BCAR3: variants seen among roughly 807,000 people sequenced by gnomAD.
BCAR3 encodes the protein BCAR3 adaptor protein, NSP family member.
Under a neutral mutation model 80.1 loss-of-function variants are expected in BCAR3, and 37 were observed. That is an observed-to-expected ratio of 0.46 (90% CI 0.36 to 0.61). The LOEUF is 0.61. Ranked by LOEUF, BCAR3 falls within the 20% of genes least tolerant of loss-of-function variation. The pLI, the probability that BCAR3 is intolerant of heterozygous loss-of-function variation, is 0.00. For synonymous variants in BCAR3, 389 were observed against 418.9 expected, an observed-to-expected ratio of 0.93 and a Z score of 0.87; for missense variants, 978 against 1,068.2, an observed-to-expected ratio of 0.92 and a Z score of 1.18.
chr1:93,618,692 G>C (rs1675212512), intron 3 of BCAR3, among the ~76,000 whole-genome samples: 1 of 152,094 alleles, frequency 6.6e-6, no homozygotes, highest in Non-Finnish European at 1.5e-5. Flanking sequence ...CAGGCAAAAA[G>C]AAAGAAAAGA....
intron 2 of BCAR3, among the ~76,000 whole-genome samples, chr1:93,748,640 T>G (rs1651439342): frequency 1.3e-5 from 2 of 152,246 alleles, no homozygotes; most frequent in Admixed American, 6.5e-5. Flanking sequence ...CAATCTTCTT[T>G]TGTCCTTACT....
intron 2 of BCAR3, among the ~76,000 whole-genome samples, chr1:93,718,969 T>C (rs577270138): frequency 6.6e-6 from 1 of 152,172 alleles, no homozygotes; most frequent in South Asian, 2.1e-4. Flanking sequence ...CCCAAAGTGT[T>C]AGGATTACAA....
intron 2 of BCAR3, chr1:93,845,437 A>C (rs1324131007): frequency 6.8e-6 from 1 of 146,040 alleles, no homozygotes; most frequent in Non-Finnish European, 1.5e-5. Context: ...GAAGACATTT[A>C]ATTCATTAAA....
chr1:93,803,789 C>T (rs1230483891), intron 2 of BCAR3, among the ~76,000 whole-genome samples: 3 of 152,162 alleles, frequency 2.0e-5, no homozygotes, highest in Admixed American at 6.5e-5. Context: ...ACTGAGAAGG[C>T]GTCCCCAGAT....
chr1:93,828,127 G>A (rs1222485577), intron 2 of BCAR3, among the ~76,000 whole-genome samples: 1 of 152,034 alleles, frequency 6.6e-6, no homozygotes, highest in Admixed American at 6.6e-5. Flanking sequence ...GCAAGACCCT[G>A]TCTCTACAAA....
At chr1:93,626,747 GC>G (rs1488468053) in intron 3 of BCAR3, among the ~76,000 whole-genome samples, 9 of 152,122 alleles carry the variant, frequency 5.9e-5, no homozygotes, top group Admixed American at 2.6e-4. Context: ...TTAAATATGG[GC>G]CCTCGAGTAC....
exon 1 of BCAR3, chr1:93,847,117 G>T (rs968785844): frequency 4.3e-6 from 1 of 233,458 alleles, no homozygotes. Flanking sequence ...GCTCACAGGC[G>T]CGACGTAAAG....
intron 3 of BCAR3, among the ~76,000 whole-genome samples, chr1:93,615,599 T>A (rs1557861488): frequency 6.6e-6 from 1 of 152,304 alleles, no homozygotes; most frequent in Non-Finnish European, 1.5e-5. Flanking sequence ...AAGGGTTTTC[T>A]GAGCTGGAAG....
chr1:93,783,271 G>A (rs1288015358), intron 2 of BCAR3, among the ~76,000 whole-genome samples: 2 of 152,150 alleles, frequency 1.3e-5, no homozygotes, highest in African/African-American at 2.4e-5. Flanking sequence ...GGGCTTTCCT[G>A]TAGGATATTT....
intron 2 of BCAR3, among the ~76,000 whole-genome samples, chr1:93,732,127 G>T (rs1018170533): frequency 6.6e-6 from 1 of 152,224 alleles, no homozygotes. Context: ...ATAGAAAGAG[G>T]TTCACAGAAC....
intron 2 of BCAR3, among the ~76,000 whole-genome samples, chr1:93,841,859 C>T (rs1177980618): frequency 6.6e-6 from 1 of 152,192 alleles, no homozygotes; most frequent in Non-Finnish European, 1.5e-5. Context: ...GTTTTTGGCA[C>T]CCTTTTAAAC....
rs1674239203 is a variant in BCAR3 at position 93,592,255 on chromosome 1, G to A, written c.486+10C>T. Reference sequence around the variant, plus strand: ...GCCGTGTATGCTCTGGAAGGGACAAGACCAGGTACCTGTCGGGGGATGCGG... The same window carrying A: ...GCCGTGTATGCTCTGGAAGGGACAAAACCAGGTACCTGTCGGGGGATGCGG... On this transcript the variant is annotated intron_variant, in intron 4 of 11. Coordinates refer to ENST00000260502, the MANE Select transcript of BCAR3 (RefSeq NM_003567.4). The surrounding 1 kb of genome is among the most constrained non-coding windows in gnomAD (Gnocchi z 4.8). 1.9e-6 allele frequency: 3 copies of A among 1,613,492 alleles called. No homozygotes were observed. Among genetic ancestry groups the A allele is most frequent in the Non-Finnish European group, 2.5e-6 (3 of 1,180,016 alleles).
chr1:93,773,061 A>T (rs1557683531), intron 2 of BCAR3, among the ~76,000 whole-genome samples: 1 of 152,232 alleles, frequency 6.6e-6, no homozygotes, highest in Non-Finnish European at 1.5e-5. Flanking sequence ...ATCTGTTTAC[A>T]GGAACTAGAA....
At chr1:93,702,411 G>C (rs972696313) in intron 3 of BCAR3, among the ~76,000 whole-genome samples, 7 of 152,196 alleles carry the variant, frequency 4.6e-5, no homozygotes, top group Non-Finnish European at 8.8e-5. Flanking sequence ...CAACTTATCA[G>C]CTCAGGCCCA....
intron 8 of BCAR3, 97 bp from the exon 9 acceptor site, chr1:93,571,938 T>G (rs2101808866): frequency 7.4e-7 from 1 of 1,347,132 alleles, no homozygotes; most frequent in Non-Finnish European, 1.0e-6. Flanking sequence ...TTGTGCCATT[T>G]GCTCCTTTTG....
At chr1:93,614,504 A>T (rs1382536527) in intron 3 of BCAR3, among the ~76,000 whole-genome samples, 5 of 152,064 alleles carry the variant, frequency 3.3e-5, no homozygotes, top group Admixed American at 3.3e-4. Flanking sequence ...GAAATACTAG[A>T]TGTACTAAGT....
chr1:93,749,213 G>A (rs1458389597), intron 2 of BCAR3, among the ~76,000 whole-genome samples: 1 of 152,004 alleles, frequency 6.6e-6, no homozygotes, highest in East Asian at 1.9e-4. Flanking sequence ...CACTAATGAA[G>A]AACATACTTG....
At chr1:93,612,883 A>G (rs236345) in intron 3 of BCAR3, among the ~76,000 whole-genome samples, 45,533 of 152,094 alleles carry the variant, frequency 0.3, 8,459 homozygotes, top group African/African-American at 0.54. Flanking sequence ...ATCAATGGAA[A>G]CTCACCCTTT....
chr1:93,779,335 G>A (rs1178642506), intron 2 of BCAR3, among the ~76,000 whole-genome samples: 1 of 152,190 alleles, frequency 6.6e-6, no homozygotes, highest in African/African-American at 2.4e-5. Context: ...TGTATGCCAG[G>A]CACTATTTTC....
Sources: gnomAD v4.1 joint callset for allele counts (sites outside exome capture counted in the v4.1 genomes callset) on GRCh38, gnomAD v4.1.1 for gene constraint, Gnocchi (gnomAD v3.1) non-coding constraint, MANE v1.5 for transcripts, NCBI Gene and HGNC (gene_info 2026-07-23, HGNC 2026-07-21) for gene names.